The following RIGI variants were observed in gnomAD, a reference collection of about 807,000 sequenced individuals.
RIGI encodes antiviral innate immune response receptor RIG-I.
chr9:32,493,718 T>C, the RIGI span: 1 of 1,312,124 alleles, frequency 7.6e-7, no homozygotes, highest in Non-Finnish European at 1.1e-6. Context: ...CCTTCCCATG[T>C]TATAATTATT....
the RIGI span, chr9:32,498,358 C>T: frequency 4.4e-6 from 2 of 456,704 alleles, no homozygotes; most frequent in Non-Finnish European, 8.8e-6. Context: ...CTGTAGCTTA[C>T]TGAATATTTG....
At chr9:32,481,208 A>T in the RIGI span, 1 of 880,280 alleles carries the variant, frequency 1.1e-6, no homozygotes, top group Non-Finnish European at 1.7e-6. Flanking sequence ...TTTGCTTCAT[A>T]AGAACTTTCT....
chr9:32,520,607 T>C, the RIGI span, among the ~76,000 whole-genome samples: 4 of 152,156 alleles, frequency 2.6e-5, no homozygotes, highest in African/African-American at 9.7e-5. Context: ...CCAGGAACTA[T>C]TGCACAAAAG....
At chr9:32,522,483 G>A in the RIGI span, among the ~76,000 whole-genome samples, 4 of 152,158 alleles carry the variant, frequency 2.6e-5, no homozygotes, top group Non-Finnish European at 5.9e-5. Context: ...GACTGAAATG[G>A]CCTTGTGAGA....
chr9:32,463,720 A>C, the RIGI span, among the ~76,000 whole-genome samples: 3 of 151,890 alleles, frequency 2.0e-5, no homozygotes, highest in Non-Finnish European at 2.9e-5. Context: ...GTGGCTAAAG[A>C]AGCAGCCTAG....
the RIGI span, among the ~76,000 whole-genome samples, chr9:32,495,787 G>A: frequency 6.6e-6 from 1 of 151,542 alleles, no homozygotes; most frequent in Non-Finnish European, 1.5e-5. Flanking sequence ...AGCCTCCCGA[G>A]TAGCTGGGAC....
At chr9:32,526,177 G>T in the RIGI span, 1 of 1,607,910 alleles carries the variant, frequency 6.2e-7, no homozygotes, top group Non-Finnish European at 8.5e-7. Flanking sequence ...GCCGGCCTCT[G>T]CTTGCAGCTA....
the RIGI span, among the ~76,000 whole-genome samples, chr9:32,483,340 A>G: frequency 6.6e-6 from 1 of 152,190 alleles, no homozygotes; most frequent in South Asian, 2.1e-4. Flanking sequence ...GGCCAGCAGT[A>G]AAGAAGATGA....
chr9:32,470,009 A>G, the RIGI span, among the ~76,000 whole-genome samples: 1 of 152,238 alleles, frequency 6.6e-6, no homozygotes, highest in Non-Finnish European at 1.5e-5. Flanking sequence ...TTACCATTCA[A>G]AGTCATGAAA....
the RIGI span, chr9:32,459,265 A>T: frequency 7.7e-7 from 1 of 1,293,542 alleles, no homozygotes; most frequent in Non-Finnish European, 1.1e-6. Context: ...GATCATGGCC[A>T]CAGTAACAAT....
the RIGI span, among the ~76,000 whole-genome samples, chr9:32,486,361 GA>G: frequency 6.6e-6 from 1 of 150,850 alleles, no homozygotes. Context: ...ACTGAGGCAG[GA>G]GAATCACTTG....
At chr9:32,464,841 C>G in the RIGI span, among the ~76,000 whole-genome samples, 5 of 152,216 alleles carry the variant, frequency 3.3e-5, no homozygotes, top group Admixed American at 6.5e-5. Flanking sequence ...CTCTGCCTAT[C>G]TATCTGTAAG....
At chr9:32,457,535 G>C in the RIGI span, 1 of 871,908 alleles carries the variant, frequency 1.1e-6, no homozygotes, top group Non-Finnish European at 1.7e-6. Context: ...GAACAGGTGG[G>C]TCTCACTTAT....
the RIGI span, among the ~76,000 whole-genome samples, chr9:32,496,235 C>A: frequency 6.6e-6 from 1 of 152,128 alleles, no homozygotes; most frequent in African/African-American, 2.4e-5. Context: ...TATATTTGCT[C>A]TTTAATGCAT....
the RIGI span, among the ~76,000 whole-genome samples, chr9:32,475,738 C>G: frequency 2.0e-5 from 3 of 152,090 alleles, no homozygotes; most frequent in African/African-American, 7.2e-5. Flanking sequence ...AGTGAAAATC[C>G]TTGTGACCTT....
the RIGI span, among the ~76,000 whole-genome samples, chr9:32,495,882 C>T: frequency 1.3e-5 from 2 of 152,108 alleles, no homozygotes; most frequent in African/African-American, 4.8e-5. Context: ...GTCTTGAACT[C>T]CTGACCTCAG....
At chr9:32,510,425 G>A in the RIGI span, among the ~76,000 whole-genome samples, 5 of 152,184 alleles carry the variant, frequency 3.3e-5, no homozygotes, top group African/African-American at 1.2e-4. Context: ...GAGAGTGGGG[G>A]CCAATATTCA....
chr9:32,510,971 CA>C, the RIGI span, among the ~76,000 whole-genome samples: 1 of 150,158 alleles, frequency 6.7e-6, no homozygotes, highest in African/African-American at 2.4e-5. Flanking sequence ...TTTAAACCAA[CA>C]AAGATCAAAA....
the RIGI span, chr9:32,481,275 C>T: frequency 3.3e-6 from 5 of 1,497,392 alleles, no homozygotes; most frequent in East Asian, 4.6e-5. Flanking sequence ...GTTATCTTGG[C>T]TTCCACGGTG....
Sources: allele counts gnomAD v4.1 joint callset (sites outside exome capture counted in the v4.1 genomes callset), GRCh38; gene constraint gnomAD v4.1.1; transcripts MANE v1.5; gene names NCBI Gene and HGNC (gene_info 2026-07-23, HGNC 2026-07-21).